The following KANK1 variants were observed in gnomAD, a reference collection of about 807,000 sequenced individuals.
The protein encoded by KANK1 is KN motif and ankyrin repeat domain-containing protein 1.
A neutral mutation model predicts 106.2 loss-of-function variants in KANK1; 109 were observed. The observed-to-expected ratio is 1.03, with a 90% CI of 0.88 to 1.20. The LOEUF is 1.20. Ranked by LOEUF, KANK1 falls within the 50% of genes most tolerant of loss-of-function variation. The pLI, the probability that KANK1 is intolerant of heterozygous loss-of-function variation, is 0.00. For missense variants in KANK1, 2,399 were observed against 1,710.7 expected (o/e 1.40, Z -7.10); for synonymous variants, 873 against 652.2 (o/e 1.34, Z -5.16).
intron 7 of KANK1, among the ~76,000 whole-genome samples, chr9:736,921 A>G (rs1214137493): frequency 6.6e-6 from 1 of 152,148 alleles, no homozygotes; most frequent in Non-Finnish European, 1.5e-5. Flanking sequence ...CTGTTCTCAA[A>G]ATACTAGGTT....
At chr9:524,955 G>T (rs1351301399) in intron 1 of KANK1, among the ~76,000 whole-genome samples, 2 of 146,330 alleles carry the variant, frequency 1.4e-5, no homozygotes, top group African/African-American at 2.6e-5. Context: ...TTATTGCTTT[G>T]GTTAGTCAAT....
chr9:615,371 CT>C lies in KANK1; in HGVS notation c.-83-61514del, dbSNP rs1366523670. ...GTCCATCTGGCATCATATGCTCTTC[CT>C]TTTTGCTAGAATTCCCTCTTTTTTT... On this transcript the variant is annotated intron_variant, in intron 1 of 11. Coordinates refer to ENST00000382297, the MANE Select transcript of KANK1 (RefSeq NM_015158.5). Among the ~76,000 whole-genome samples, 8 of 152,244 alleles carry C rather than the reference CT, an allele frequency of 5.3e-5. No individual in the cohort carries two copies. In the Middle Eastern group the frequency reaches 0.014, roughly 259 times the overall value.
intron 7 of KANK1, among the ~76,000 whole-genome samples, chr9:736,026 C>T (rs1027963177): frequency 6.6e-5 from 10 of 152,100 alleles, no homozygotes; most frequent in East Asian, 2.0e-4. Flanking sequence ...GGCGTGATCT[C>T]GGCTCACTGC....
In KANK1 at chr9:629,355, C is replaced by T. The variant is rs1057351350; in HGVS notation, c.-83-47535C>T. Among the ~76,000 whole-genome samples the T allele has an allele frequency of 1.3e-3, 202 of 152,246 alleles. 6 individuals are homozygous for T. Among genetic ancestry groups the T allele is most frequent in the Admixed American group, 0.013 (202 of 15,294 alleles). ...GTCACGAGTCACTCTCTCTCTTCCC[C>T]CAGCCACAGTGGCAGCTGCCTAACT... On this transcript the variant is annotated intron_variant, in intron 1 of 11. Transcript: ENST00000382297.
chr9:744,678 T>C (rs769094124), intron 11 of KANK1, 89 bp downstream of exon 11: 1 of 1,608,372 alleles, frequency 6.2e-7, no homozygotes, highest in Non-Finnish European at 8.5e-7. Flanking sequence ...GGGAGACAGA[T>C]TTTATGTTGA....
At chr9:741,206 C>T (rs1416041213) in intron 9 of KANK1, among the ~76,000 whole-genome samples, 1 of 152,014 alleles carries the variant, frequency 6.6e-6, no homozygotes. Context: ...TGTTAGTTCC[C>T]CTACATATAA....
chr9:519,574 C>G (rs528212236), intron 1 of KANK1, among the ~76,000 whole-genome samples: 1 of 151,770 alleles, frequency 6.6e-6, no homozygotes. Flanking sequence ...GAGCCTAATA[C>G]TGAAAAGCTA....
At chr9:710,000 A>G (rs1825483640) in intron 2 of KANK1, among the ~76,000 whole-genome samples, 2 of 152,176 alleles carry the variant, frequency 1.3e-5, no homozygotes, top group African/African-American at 4.8e-5. Flanking sequence ...ATCTCTGAGT[A>G]CTGATGGACA....
chr9:741,982 C>T (rs556176459), intron 9 of KANK1, among the ~76,000 whole-genome samples: 15 of 152,310 alleles, frequency 9.8e-5, no homozygotes, highest in East Asian at 3.9e-4. Context: ...ACATCCTCCA[C>T]GCTAAAATGA....
At chr9:612,523 A>G (rs1830813341) in intron 1 of KANK1, among the ~76,000 whole-genome samples, 1 of 152,170 alleles carries the variant, frequency 6.6e-6, no homozygotes, top group Non-Finnish European at 1.5e-5. Context: ...TTGCTAAAAC[A>G]GTTTATGTTC....
At chr9:549,474 G>A (rs1454743797) in intron 1 of KANK1, 1 of 152,204 alleles carries the variant, frequency 6.6e-6, no homozygotes, top group African/African-American at 2.4e-5. Context: ...TTCAAGACGG[G>A]GTCCCGTTCA....
chr9:692,642 C>A (rs894493343), intron 2 of KANK1, among the ~76,000 whole-genome samples: 1 of 151,330 alleles, frequency 6.6e-6, no homozygotes, highest in African/African-American at 2.4e-5. Context: ...TAGAACATAC[C>A]CATAACACTA....
At chr9:606,050 A>G (rs550989344) in intron 1 of KANK1, among the ~76,000 whole-genome samples, 1 of 151,366 alleles carries the variant, frequency 6.6e-6, no homozygotes, top group South Asian at 2.1e-4. Context: ...TTATCAAATT[A>G]AGATGATCAT....
chr9:577,433 T>C (rs1043519170), intron 1 of KANK1, among the ~76,000 whole-genome samples: 8 of 152,184 alleles, frequency 5.3e-5, no homozygotes, highest in Non-Finnish European at 5.9e-5. Flanking sequence ...GGTGCGTTTT[T>C]ACAGAGTGCT....
chr9:546,948 A>G (rs2060968734), intron 1 of KANK1, among the ~76,000 whole-genome samples: 2 of 152,210 alleles, frequency 1.3e-5, no homozygotes, highest in Admixed American at 1.3e-4. Flanking sequence ...GAAAGAGTAC[A>G]AATGGTTCTC....
At position 713,463 on chromosome 9, in the gene KANK1, A is replaced by T; in HGVS notation, c.2697A>T (p.Thr899=). The T allele has an allele frequency of 6.3e-7, 1 of 1,579,086 alleles. No homozygotes were observed. The highest frequency in any genetic ancestry group is 8.6e-7 in the Non-Finnish European group (1 of 1,164,576). ...AGAAAACCAGTCTGGGTAAAATCAC[A>T]GGTAGGTGGTACCCTGAGGACCTGG... ...DFQKTSLGKI[T]GNYLGYTCKC... Residue 899 remains threonine, a splice_region_variant and synonymous_variant, in exon 3 of 12, where the codon ACA becomes ACT. Coordinates refer to ENST00000382297, the MANE Select transcript of KANK1 (RefSeq NM_015158.5).
In KANK1 at chr9:725,496, CA is replaced by C. The variant is rs34245303; in HGVS notation, c.2699-4536del. On this transcript the variant is annotated intron_variant, in intron 3 of 11. Transcript: ENST00000382297. ...TGGGTGACAGAGCAAGACTCTGTCT[CA>C]AAAAAAAAAAAAAAAAAATTTAGAT... is the stretch of plus-strand genomic sequence containing the variant. 5.2e-3 allele frequency among the ~76,000 whole-genome samples: 604 copies of C among 116,800 alleles called. 1 individual carries two copies. Among genetic ancestry groups the C allele is most frequent in the African/African-American group, 0.018 (514 of 28,746 alleles). The allele number at this position is 116,800 out of a possible 152,430, so 76.6% of individuals were successfully genotyped here. A position where few individuals can be genotyped will look rare whatever the true frequency, so the allele number is the denominator to read the frequency against.
At chr9:660,171 CATTT>C (rs200827696) in intron 1 of KANK1, 4,621 of 310,266 alleles carry the variant, frequency 0.015, 62 homozygotes, top group Middle Eastern at 0.03. Flanking sequence ...CCAATGAAGG[CATTT>C]AAAAAGAAAT....
intron 10 of KANK1, 87 bp downstream of exon 10, chr9:742,492 C>A: frequency 1.0e-6 from 1 of 971,438 alleles, no homozygotes; most frequent in Non-Finnish European, 1.5e-6. Context: ...CAGGAGCGAC[C>A]AAATCCTCCT....
Sources: allele counts gnomAD v4.1 joint callset (sites outside exome capture counted in the v4.1 genomes callset), GRCh38; gene constraint gnomAD v4.1.1; transcripts MANE v1.5; gene names NCBI Gene and HGNC (gene_info 2026-07-23, HGNC 2026-07-21).